GEN1: variants seen among roughly 807,000 people sequenced by gnomAD.
The protein encoded by GEN1 is flap endonuclease GEN homolog 1.
Under a neutral mutation model 67.6 loss-of-function variants are expected in GEN1, and 64 were observed. The observed-to-expected ratio is 0.95, with a 90% CI of 0.77 to 1.17. The LOEUF is 1.17. Ranked by LOEUF, GEN1 falls within the 50% of genes most tolerant of loss-of-function variation. The probability of loss-of-function intolerance (pLI) is 0.00; values close to 1 mark genes in which losing one functional copy is unlikely to be tolerated. For missense variants in GEN1, 1,058 were observed against 1,048.3 expected (o/e 1.01, Z -0.13); for synonymous variants, 371 against 359.4 (o/e 1.03, Z -0.37).
At chr2:17,761,897 G>A (rs1671699146) in intron 3 of GEN1, among the ~76,000 whole-genome samples, 1 of 152,110 alleles carries the variant, frequency 6.6e-6, no homozygotes, top group African/African-American at 2.4e-5. Flanking sequence ...CTAGTACATG[G>A]TAGGAACTTG....
At position 17,781,704 on chromosome 2, in the gene GEN1, A is replaced by G. The variant is rs761697910; in HGVS notation, c.2492A>G (p.His831Arg). 1.9e-6 allele frequency: 3 copies of G among 1,613,696 alleles called. No homozygotes were observed. The South Asian group carries it at 3.3e-5, about 18-fold the overall frequency. ...KHSSQKHNSSHFKESGHNKLS... is the reference protein window; with the variant it reads ...KHSSQKHNSSRFKESGHNKLS... ...AGTTCTCAAAAGCATAATTCATCCC[A>G]TTTCAAAGAAAGTGGCCATAACAAG... The change falls in exon 14 of 14, where the codon CAT becomes CGT. Residue 831 changes from histidine (H) to arginine (R), a missense_variant. Coordinates refer to ENST00000381254, the MANE Select transcript of GEN1 (RefSeq NM_001130009.3).
chr2:17,768,871 C>T (rs1285704529), intron 6 of GEN1, 60 bp downstream of exon 6: 4 of 1,024,570 alleles, frequency 3.9e-6, no homozygotes, highest in Non-Finnish European at 6.0e-6. Flanking sequence ...AACTTAATAA[C>T]GAATAGTACA....
At position 17,764,896 on chromosome 2, in the gene GEN1, G is replaced by T. The variant is rs1254998169; in HGVS notation, c.349-1G>T. ...ATCTTGCACCTGCTTTTTGTTTTCAGTGCCTCCATATGCTCGAATGCTTAG... is the reference window on the plus strand; with the variant it reads ...ATCTTGCACCTGCTTTTTGTTTTCATTGCCTCCATATGCTCGAATGCTTAG... On this transcript the variant is annotated splice_acceptor_variant, in intron 3 of 13. Coordinates refer to ENST00000381254, the MANE Select transcript of GEN1 (RefSeq NM_001130009.3). LOFTEE classifies it high-confidence loss of function. 6.2e-7 allele frequency: 1 copy of T among 1,605,484 alleles called. No individual in the cohort carries two copies. Among genetic ancestry groups the T allele is most frequent in the Admixed American group, 1.7e-5 (1 of 57,252 alleles).
rs1387766025 is a variant in GEN1 at position 17,766,608 on chromosome 2, A to G, written c.555A>G (p.Ser185=). Residue 185 remains serine (S), a synonymous_variant, in exon 5 of 14, where the codon TCA becomes TCG. Transcript: ENST00000381254. The part of the protein sequence containing the change: ...KDPHVDCYTM[S]SIKSKLGLDR... The stretch of plus-strand genomic sequence containing the variant: ...CACATGTTGACTGTTACACAATGTC[A>G]TCTATCAAGAGTAAACTAGGTTTGG... 1.9e-6 allele frequency: 3 copies of G among 1,604,532 alleles called. No individual in the cohort carries two copies. Among genetic ancestry groups the G allele is most frequent in the Non-Finnish European group, 2.6e-6 (3 of 1,172,302 alleles).
At chr2:17,769,019 A>AT (rs1420500303) in intron 6 of GEN1, among the ~76,000 whole-genome samples, 2 of 150,466 alleles carry the variant, frequency 1.3e-5, no homozygotes, top group African/African-American at 2.4e-5. Context: ...GCCGTATTGC[A>AT]TTTTTTTTTC....
intron 12 of GEN1, among the ~76,000 whole-genome samples, chr2:17,779,058 G>A (rs1357130242): frequency 6.6e-6 from 1 of 152,104 alleles, no homozygotes; most frequent in African/African-American, 2.4e-5. Context: ...AAGTAGCTGG[G>A]GTTACAGGCA....
Position 17,760,202 on chromosome 2 carries a change from C to A in GEN1, c.161+98C>A, listed in dbSNP as rs943277132. 10 of 1,183,522 alleles carry A rather than the reference C, an allele frequency of 8.4e-6. No individual in the cohort carries two copies. The South Asian group carries it at 1.3e-4, about 15-fold the overall frequency. 73.3% of individuals were successfully genotyped at this position (1,183,522 alleles called of 1,614,324 possible). A position where few individuals can be genotyped will look rare whatever the true frequency, so the allele number is the denominator to read the frequency against. On this transcript the variant is annotated intron_variant, in intron 2 of 13. Coordinates refer to ENST00000381254, the MANE Select transcript of GEN1 (RefSeq NM_001130009.3). ...TTTTTTTTCTTTTGTTGTTGTTATT[C>A]TTTTACATTTTGAGGTTTTAAGATC...
At chr2:17,768,620 A>G (rs1393516870) in intron 5 of GEN1, 118 bp from the exon 6 acceptor site, 3 of 689,490 alleles carry the variant, frequency 4.4e-6, no homozygotes, top group Non-Finnish European at 7.5e-6. Context: ...ATCTTTTCCT[A>G]TCTTTATTGA....
At position 17,786,897 on chromosome 2, in the gene GEN1, C is replaced by A. The variant is rs547182534; in HGVS notation, c.*4958C>A. 4 of 152,356 alleles carry A rather than the reference C, an allele frequency of 2.6e-5. No homozygotes were observed. Among genetic ancestry groups the A allele is most frequent in the African/African-American group, 9.6e-5 (4 of 41,576 alleles). The allele number at this position is 152,356 out of a possible 1,614,324, so 9.4% of individuals were successfully genotyped here. ...CTCCACAACGCCCCACCCATGGAGC[C>A]TGTACCAGCAGTGGCTGCACTTAAC... On this transcript the variant is annotated 3_prime_UTR_variant, in exon 14 of 14. Coordinates refer to ENST00000381254, the MANE Select transcript of GEN1 (RefSeq NM_001130009.3).
At chr2:17,773,452 A>G (rs1184304432) in intron 10 of GEN1, among the ~76,000 whole-genome samples, 153 bp downstream of exon 10, 3 of 152,114 alleles carry the variant, frequency 2.0e-5, no homozygotes, top group East Asian at 3.8e-4. Context: ...CTCATTTGCC[A>G]TACAGTGGCC....
At chr2:17,775,295 GC>G (rs1277806148) in intron 11 of GEN1, among the ~76,000 whole-genome samples, 1 of 152,104 alleles carries the variant, frequency 6.6e-6, no homozygotes, top group East Asian at 1.9e-4. Flanking sequence ...GGGTCTCTAG[GC>G]TAAACTTGGT....
At chr2:17,753,756 G>A (rs1671231243), upstream of GEN1, 1 of 152,374 alleles carries the variant, frequency 6.6e-6, no homozygotes, top group African/African-American at 2.4e-5. Context: ...ACCGCGTGCC[G>A]GCCGCAGGAG....
intron 13 of GEN1, 133 bp from the exon 14 acceptor site, chr2:17,780,488 C>T (rs749076513): frequency 6.2e-4 from 371 of 602,538 alleles, no homozygotes; most frequent in Non-Finnish European, 9.8e-4. Context: ...TATAATCTAG[C>T]AATGCACTGA....
chr2:17,765,638 A>G (rs1671892667), intron 4 of GEN1, among the ~76,000 whole-genome samples: 2 of 152,138 alleles, frequency 1.3e-5, no homozygotes, highest in Admixed American at 1.3e-4. Context: ...TCTGCCAGAC[A>G]TTTCTGCTAT....
At chr2:17,778,229 T>TATGTGTGTACATATATGTATACACACAC (rs1558408778) in intron 12 of GEN1, among the ~76,000 whole-genome samples, 166 bp downstream of exon 12, 16 of 131,570 alleles carry the variant, frequency 1.2e-4, no homozygotes, top group African/African-American at 5.0e-4. Context: ...TACACACACA[T>TATGTGTGTACATATATGTATACACACAC]ATATGTGTGT....
intron 1 of GEN1, among the ~76,000 whole-genome samples, chr2:17,758,705 A>C (rs1241101893): frequency 6.6e-6 from 1 of 152,148 alleles, no homozygotes; most frequent in Non-Finnish European, 1.5e-5. Context: ...TACTCATGGC[A>C]GGGCTGGGTG....
intron 1 of GEN1, among the ~76,000 whole-genome samples, chr2:17,758,269 G>A (rs73921072): frequency 0.065 from 9,906 of 152,096 alleles, 727 homozygotes; most frequent in African/African-American, 0.18. Context: ...TGACTGCTAG[G>A]GTCAGGGTCA....
chr2:17,778,202 A>ATATATATGTATACACACACATCTATG (rs1553331064), intron 12 of GEN1, 139 bp downstream of exon 12: 11 of 224,462 alleles, frequency 4.9e-5, no homozygotes, highest in Admixed American at 6.9e-5. Flanking sequence ...ACACACATAT[A>ATATATATGTATACACACACATCTATG]TGTGTATATA....
rs575269035 is a variant in GEN1 at position 17,778,312 on chromosome 2, A to G, written c.1264+249A>G. Reference sequence around the variant, plus strand: ...CACATGTGTGTGTACATATATGTATATACACACACACGTGTACATATATGT... The same window carrying G: ...CACATGTGTGTGTACATATATGTATGTACACACACACGTGTACATATATGT... On this transcript the variant is annotated intron_variant, in intron 12 of 13. Coordinates refer to ENST00000381254, the MANE Select transcript of GEN1 (RefSeq NM_001130009.3). Among the ~76,000 whole-genome samples, 155 of 66,846 alleles carry G rather than the reference A, an allele frequency of 2.3e-3. 45 individuals carry two copies. The highest frequency in any genetic ancestry group is 0.012 in the African/African-American group (150 of 12,986). The allele number at this position is 66,846 out of a possible 152,430, so 43.9% of individuals were successfully genotyped here. A position where few individuals can be genotyped will look rare whatever the true frequency, so the allele number is the denominator to read the frequency against.
Sources: allele counts gnomAD v4.1 joint callset (sites outside exome capture counted in the v4.1 genomes callset), GRCh38; gene constraint gnomAD v4.1.1; transcripts MANE v1.5; gene names NCBI Gene and HGNC (gene_info 2026-07-23, HGNC 2026-07-21).